ANKRD16: variants seen among roughly 807,000 people sequenced by gnomAD.
ANKRD16 encodes ankyrin repeat domain-containing protein 16.
In ANKRD16, 35 loss-of-function variants were observed where a neutral mutation model predicts 37.9. That is an observed-to-expected ratio of 0.92 (90% CI 0.71 to 1.23). ANKRD16 has a LOEUF of 1.23. Ranked by LOEUF, ANKRD16 falls within the 50% of genes most tolerant of loss-of-function variation. ANKRD16 has a pLI of 0.00. For missense variants in ANKRD16, 480 were observed against 469.9 expected (o/e 1.02, Z -0.20); for synonymous variants, 206 against 197.2 (o/e 1.04, Z -0.37).
In ANKRD16 at chr10:5,887,769, G is replaced by A. The variant is rs1297271669; in HGVS notation, c.535+78C>T. On this transcript the variant is annotated intron_variant, in intron 2 of 7. Transcript: ENST00000380094. ...TCCTCCTTTCCCCTGAAGGTGACCT[G>A]AACAAGATGCGGTTGGGCAGTGCTG... The A allele has an allele frequency of 2.4e-6, 3 of 1,275,940 alleles. No individual in the cohort carries two copies. The African/African-American group carries it at 4.8e-5, about 20-fold the overall frequency. The allele number at this position is 1,275,940 out of a possible 1,614,324, so 79.0% of individuals were successfully genotyped here.
Position 5,878,436 on chromosome 10 carries a change from A to G in ANKRD16, c.929-149T>C, listed in dbSNP as rs1842220806. On this transcript the variant is annotated intron_variant, in intron 6 of 7. Transcript: ENST00000380094. The surrounding 1 kb of genome is among the most constrained non-coding windows in gnomAD (Gnocchi z 5.1). ...AACTTCACCTATACTAGATCAAAAT[A>G]TTTTTGTTTCTAACCTGATTGGGTT... 2 of 694,018 alleles carry G rather than the reference A, an allele frequency of 2.9e-6. No individual in the cohort carries two copies. The highest frequency in any genetic ancestry group is 6.3e-5 in the East Asian group (2 of 31,938). 43.0% of individuals were successfully genotyped at this position (694,018 alleles called of 1,614,324 possible). A position where few individuals can be genotyped will look rare whatever the true frequency, so the allele number is the denominator to read the frequency against.
Position 5,889,239 on chromosome 10 carries a change from G to A in ANKRD16, c.116C>T (p.Thr39Ile), listed in dbSNP as rs775949137. The A allele has an allele frequency of 1.9e-6, 3 of 1,545,752 alleles. No homozygotes were observed. Among genetic ancestry groups the A allele is most frequent in the Middle Eastern group, 1.8e-4 (1 of 5,432 alleles). Reference protein sequence around the residue: ...AGGCPGPAGDTLLHCAARHGH... With the variant: ...AGGCPGPAGDILLHCAARHGH... ...GTGGCGCGCGGCGCAGTGCAGGAGG[G>A]TATCCCCGGCCGGCCCCGGGCAGCC... The change falls in exon 1 of 8, where the codon ACC becomes ATC. Residue 39 changes from threonine (T) to isoleucine (I), a missense_variant. Physicochemically the swap from Thr to Ile is moderately conservative, Grantham distance 89. Coordinates refer to ENST00000380094, the MANE Select transcript of ANKRD16 (RefSeq NM_019046.3).
In ANKRD16 at chr10:5,878,329, C is replaced by T. The variant is rs750472951; in HGVS notation, c.929-42G>A. ...ATCACATGGACTTAAAACACAATCC[C>T]TGGAGCAATACTGACCTCATGAGTT... On this transcript the variant is annotated intron_variant, in intron 6 of 7. Transcript: ENST00000380094. The surrounding 1 kb of genome is among the most constrained non-coding windows in gnomAD (Gnocchi z 5.1). 3.2e-6 allele frequency: 5 copies of T among 1,586,336 alleles called. No individual in the cohort carries two copies. In the South Asian group the frequency reaches 5.6e-5, roughly 18 times the overall value.
chr10:5,889,377 C>T lies in ANKRD16; in HGVS notation c.-23G>A. The T allele has an allele frequency of 1.7e-6, 2 of 1,193,322 alleles. No individual in the cohort carries two copies. Among genetic ancestry groups the T allele is most frequent in the African/African-American group, 1.6e-5 (1 of 62,726 alleles). 73.9% of individuals were successfully genotyped at this position (1,193,322 alleles called of 1,614,324 possible). ...CATCGCCGCGGGTCGGGCCGGGCTG[C>T]GCGGGGAGGCGGCGGGCGGGACACC... On this transcript the variant is annotated 5_prime_UTR_variant, in exon 1 of 8. Transcript: ENST00000380094.
At chr10:5,884,132 G>T in intron 3 of ANKRD16, 55 bp from the exon 4 acceptor site, 1 of 1,397,248 alleles carries the variant, frequency 7.2e-7, no homozygotes, top group Non-Finnish European at 1.0e-6. Flanking sequence ...CAAACCCAGG[G>T]GACAGTTGAC....
chr10:5,879,422 C>T (rs1192013356), intron 6 of ANKRD16, among the ~76,000 whole-genome samples: 1 of 151,290 alleles, frequency 6.6e-6, no homozygotes, highest in African/African-American at 2.4e-5. Context: ...GAGCCAAGAT[C>T]GTGCCACTGC....
At chr10:5,872,783 C>G (rs902853860) in intron 7 of ANKRD16, among the ~76,000 whole-genome samples, 3 of 152,018 alleles carry the variant, frequency 2.0e-5, no homozygotes, top group Middle Eastern at 3.4e-3. Flanking sequence ...GTCTTAATTT[C>G]CTGACCTCGT....
rs1589009927 is a variant in ANKRD16, at chr10:5,862,048, C to T, written c.*677G>A. 1.2e-5 allele frequency: 2 copies of T among 168,374 alleles called. No homozygotes were observed. The highest frequency in any genetic ancestry group is 3.4e-4 in the East Asian group (2 of 5,816). 10.4% of individuals were successfully genotyped at this position (168,374 alleles called of 1,614,324 possible). On this transcript the variant is annotated 3_prime_UTR_variant, in exon 8 of 8. Coordinates refer to ENST00000380094, the MANE Select transcript of ANKRD16 (RefSeq NM_019046.3). This position sits in a 1 kb window ranked among gnomAD's most constrained non-coding sequence, Gnocchi z 6.5. ...TCCTGAGTAGCTGGGACTACAGGCG[C>T]CCACCACCATGCCTGGCTAATTTTT...
Position 5,881,438 on chromosome 10 carries a change from T to TTATAAATATATATATATATATATATATA in ANKRD16, c.850-1063_850-1062insTATATATATATATATATATATATTTATA, listed in dbSNP as rs1422263395. On this transcript the variant is annotated intron_variant, in intron 5 of 7. Transcript: ENST00000380094. ...ATATTTTATAAAATAAAAATATTAT[T>TTATAAATATATATATATATATATATATA]TATATATATATATATATATATATAT... is the stretch of plus-strand genomic sequence containing the variant. Among the ~76,000 whole-genome samples, 12 of 51,012 alleles carry TTATAAATATATATATATATATATATATA rather than the reference T, an allele frequency of 2.4e-4. 2 individuals are homozygous for TTATAAATATATATATATATATATATATA. Among genetic ancestry groups the TTATAAATATATATATATATATATATATA allele is most frequent in the East Asian group, 1.2e-3 (2 of 1,728 alleles). The allele number at this position is 51,012 out of a possible 152,430, so 33.5% of individuals were successfully genotyped here. A position where few individuals can be genotyped will look rare whatever the true frequency, so the allele number is the denominator to read the frequency against.
At position 5,862,704 on chromosome 10, in the gene ANKRD16, A is replaced by G. The variant is rs768408881; in HGVS notation, c.*34-13T>C. On this transcript the variant is annotated splice_polypyrimidine_tract_variant and intron_variant, in intron 7 of 7. Coordinates refer to ENST00000380094, the MANE Select transcript of ANKRD16 (RefSeq NM_019046.3). This position sits in a 1 kb window ranked among gnomAD's most constrained non-coding sequence, Gnocchi z 6.5. ...GCTCCCAGCAACTCTGTGAAGAAAGAGTTATTATCATCTCAGTTTACAGAT... is the reference window on the plus strand; with the variant it reads ...GCTCCCAGCAACTCTGTGAAGAAAGGGTTATTATCATCTCAGTTTACAGAT... 2.7e-4 allele frequency: 345 copies of G among 1,287,944 alleles called. No homozygotes were observed. Among genetic ancestry groups the G allele is most frequent in the Non-Finnish European group, 3.4e-4 (338 of 987,450 alleles). The allele number at this position is 1,287,944 out of a possible 1,614,324, so 79.8% of individuals were successfully genotyped here. A position where few individuals can be genotyped will look rare whatever the true frequency, so the allele number is the denominator to read the frequency against.
chr10:5,879,050 G>A (rs1842236226), intron 6 of ANKRD16, among the ~76,000 whole-genome samples: 1 of 152,170 alleles, frequency 6.6e-6, no homozygotes, highest in Non-Finnish European at 1.5e-5. Flanking sequence ...GGTGTGCTGA[G>A]TTCAGGGGCA....
In ANKRD16 at chr10:5,878,974, G is replaced by A. The variant is rs1427518004; in HGVS notation, c.929-687C>T. 2.6e-5 allele frequency among the ~76,000 whole-genome samples: 4 copies of A among 152,062 alleles called. No homozygotes were observed. Among genetic ancestry groups the A allele is most frequent in the African/African-American group, 4.8e-5 (2 of 41,398 alleles). On this transcript the variant is annotated intron_variant, in intron 6 of 7. Coordinates refer to ENST00000380094, the MANE Select transcript of ANKRD16 (RefSeq NM_019046.3). This position sits in a 1 kb window ranked among gnomAD's most constrained non-coding sequence, Gnocchi z 5.1. ...TAAAAATATCACCACAAATAATCAC[G>A]TAGCCAAAAAAACACTTTTGAACAA...
rs892331547 is a variant in ANKRD16, at chr10:5,865,516, T to C, written c.*34-2825A>G. Reference sequence around the variant, plus strand: ...ATCTCCTGTCCCAGACAGCTGTCCTTGAGGTCTGTTACCATCTGAGGCTCA... The same window carrying C: ...ATCTCCTGTCCCAGACAGCTGTCCTCGAGGTCTGTTACCATCTGAGGCTCA... On this transcript the variant is annotated intron_variant, in intron 7 of 7. Coordinates refer to ENST00000380094, the MANE Select transcript of ANKRD16 (RefSeq NM_019046.3). This position sits in a 1 kb window ranked among gnomAD's most constrained non-coding sequence, Gnocchi z 4.7. Among the ~76,000 whole-genome samples, 1 of 152,158 alleles carries C rather than the reference T, an allele frequency of 6.6e-6. No homozygotes were observed.
At chr10:5,882,831 T>G in intron 5 of ANKRD16, 175 bp downstream of exon 5, 1 of 623,372 alleles carries the variant, frequency 1.6e-6, no homozygotes, top group African/African-American at 1.9e-5. Flanking sequence ...CAAATTCAAG[T>G]CAGGTTTCTA....
In ANKRD16 at chr10:5,862,124, C is replaced by T. The variant is rs561873700; in HGVS notation, c.*601G>A. The T allele has an allele frequency of 2.1e-4, 39 of 187,634 alleles. No homozygotes were observed. In the East Asian group the frequency reaches 4.7e-3, roughly 23 times the overall value. The allele number at this position is 187,634 out of a possible 1,614,324, so 11.6% of individuals were successfully genotyped here. A position where few individuals can be genotyped will look rare whatever the true frequency, so the allele number is the denominator to read the frequency against. On this transcript the variant is annotated 3_prime_UTR_variant, in exon 8 of 8. Transcript: ENST00000380094. This position sits in a 1 kb window ranked among gnomAD's most constrained non-coding sequence, Gnocchi z 6.5. ...TTCACCACGTTAGCCAGGATGGTCT[C>T]GATCTCCTGACCTCATGATCCTCCC...
At position 5,881,438 on chromosome 10, in the gene ANKRD16, TTATATATATA is replaced by T. The variant is rs869185709; in HGVS notation, c.850-1072_850-1063del. 2.8e-3 allele frequency among the ~76,000 whole-genome samples: 144 copies of T among 51,006 alleles called. 2 individuals are homozygous for T. Among genetic ancestry groups the T allele is most frequent in the African/African-American group, 8.1e-3 (110 of 13,588 alleles). The allele number at this position is 51,006 out of a possible 152,430, so 33.5% of individuals were successfully genotyped here. ...ATATTTTATAAAATAAAAATATTATTTATATATATATATATATATATATATATATATATAT... is the reference window on the plus strand; with the variant it reads ...ATATTTTATAAAATAAAAATATTATTTATATATATATATATATATATATAT... On this transcript the variant is annotated intron_variant, in intron 5 of 7. Transcript: ENST00000380094.
At position 5,866,071 on chromosome 10, in the gene ANKRD16, C is replaced by G. The variant is rs560577702; in HGVS notation, c.*34-3380G>C. Among the ~76,000 whole-genome samples, 42 of 151,938 alleles carry G rather than the reference C, an allele frequency of 2.8e-4. No homozygotes were observed. The East Asian group carries it at 2.9e-3, about 10-fold the overall frequency. Reference sequence around the variant, plus strand: ...TATCAAAATAATACAAGGAAAGGATCTCACTGTCTGGACTACTCATGATGT... The same window carrying G: ...TATCAAAATAATACAAGGAAAGGATGTCACTGTCTGGACTACTCATGATGT... On this transcript the variant is annotated intron_variant, in intron 7 of 7. Coordinates refer to ENST00000380094, the MANE Select transcript of ANKRD16 (RefSeq NM_019046.3). This position sits in a 1 kb window ranked among gnomAD's most constrained non-coding sequence, Gnocchi z 4.3.
intron 7 of ANKRD16, among the ~76,000 whole-genome samples, chr10:5,872,646 T>C (rs924884272): frequency 1.3e-5 from 2 of 151,430 alleles, no homozygotes; most frequent in Non-Finnish European, 1.5e-5. Flanking sequence ...AAGCTCCACC[T>C]CCTGGATTCA....
intron 7 of ANKRD16, among the ~76,000 whole-genome samples, chr10:5,872,175 T>C (rs1056041263): frequency 2.6e-5 from 4 of 152,052 alleles, no homozygotes; most frequent in Admixed American, 2.6e-4. Flanking sequence ...CATTAGGATT[T>C]GCTTGTAAAA....
Sources: allele counts gnomAD v4.1 joint callset (sites outside exome capture counted in the v4.1 genomes callset), GRCh38; gene constraint gnomAD v4.1.1; non-coding constraint Gnocchi (gnomAD v3.1); transcripts MANE v1.5; gene names NCBI Gene and HGNC (gene_info 2026-07-23, HGNC 2026-07-21).